The following TMCC2 variants were observed in gnomAD, a reference collection of about 807,000 sequenced individuals.
TMCC2 encodes transmembrane and coiled-coil domain family 2.
Under a neutral mutation model 49.4 loss-of-function variants are expected in TMCC2, and 16 were observed. That is an observed-to-expected ratio of 0.32 (90% CI 0.22 to 0.49). The LOEUF (loss-of-function observed/expected upper bound fraction) is 0.49. Among genes scored for constraint, TMCC2 ranks in the 20% least tolerant of loss-of-function variants. The pLI, the probability that TMCC2 is intolerant of heterozygous loss-of-function variation, is 0.99. For missense variants in TMCC2, 762 were observed against 989.8 expected (o/e 0.77, Z 3.09); for synonymous variants, 397 against 434.1 (o/e 0.91, Z 1.06).
intron 2 of TMCC2, among the ~76,000 whole-genome samples, chr1:205,265,819 A>G (rs1048900298): frequency 1.5e-4 from 23 of 150,474 alleles, no homozygotes; most frequent in Non-Finnish European, 2.8e-4. Context: ...TCAGCCTCCC[A>G]AAGTGCTGGG....
At position 205,269,896 on chromosome 1, in the gene TMCC2, C is replaced by T. The variant is rs766504406; in HGVS notation, c.1682+12C>T. 12 of 1,603,456 alleles carry T rather than the reference C, an allele frequency of 7.5e-6. No homozygotes were observed. Among genetic ancestry groups the T allele is most frequent in the Non-Finnish European group, 1.0e-5 (12 of 1,173,890 alleles). ...GAGGAGCGCTACAGGTAGGTGCCTG[C>T]CCACCCCCTCCTGCAGCCCAGCCGG... On this transcript the variant is annotated intron_variant, in intron 3 of 4. Transcript: ENST00000358024.
At chr1:205,256,244 G>A (rs1414064678) in intron 2 of TMCC2, 1 of 1,523,250 alleles carries the variant, frequency 6.6e-7, no homozygotes, top group Non-Finnish European at 8.8e-7. Flanking sequence ...CAGTTCTGCT[G>A]TGAGAAGCTG....
intron 1 of TMCC2, among the ~76,000 whole-genome samples, chr1:205,234,908 C>T (rs1411659485): frequency 1.3e-5 from 2 of 152,090 alleles, no homozygotes; most frequent in Non-Finnish European, 2.9e-5. Flanking sequence ...ATCCACTCTC[C>T]TCGGCCTCCC....
chr1:205,241,845 C>G lies in TMCC2; in HGVS notation c.548C>G (p.Thr183Ser). Residue 183 changes from threonine to serine, a missense_variant, in exon 2 of 5, where the codon ACC (threonine) becomes AGC (serine). Around this residue, in one of 2 missense-constraint regions of TMCC2, gnomAD observed 322 missense variants for 353.1 expected, o/e 0.91. Transcript: ENST00000358024. This position sits in a 1 kb window ranked among gnomAD's most constrained non-coding sequence, Gnocchi z 7.3. ...AGCAGCGGGAGCAGCAGCCGGCGCA[C>G]CAAGAGTAGCTCCCTGGAGCCCCAG... is the stretch of plus-strand genomic sequence containing the variant. The part of the protein sequence containing the change: ...GGSSGSSSRR[T>S]KSSSLEPQRG... 3 of 1,600,402 alleles carry G rather than the reference C, an allele frequency of 1.9e-6. No homozygotes were observed. Among genetic ancestry groups the G allele is most frequent in the Non-Finnish European group, 2.6e-6 (3 of 1,175,054 alleles).
intron 2 of TMCC2, among the ~76,000 whole-genome samples, chr1:205,253,218 GAAAAT>G (rs201882879): frequency 0.033 from 5,005 of 151,672 alleles, 142 homozygotes; most frequent in South Asian, 0.12. Context: ...CAAAGGAAGA[GAAAAT>G]AAAAAAAATA....
intron 2 of TMCC2, among the ~76,000 whole-genome samples, chr1:205,244,168 G>T (rs1054790023): frequency 1.3e-5 from 2 of 152,202 alleles, no homozygotes; most frequent in African/African-American, 4.8e-5. Context: ...GCTTGGCTGG[G>T]AAGAAGGAGG....
intron 2 of TMCC2, among the ~76,000 whole-genome samples, chr1:205,242,276 G>GT (rs1558646266): frequency 6.6e-6 from 1 of 152,184 alleles, no homozygotes; most frequent in Non-Finnish European, 1.5e-5. Flanking sequence ...TCAAAATTGT[G>GT]TTTTGCTCAT....
intron 1 of TMCC2, among the ~76,000 whole-genome samples, chr1:205,231,023 A>G (rs894339553): frequency 1.8e-5 from 2 of 113,762 alleles, no homozygotes; most frequent in African/African-American, 6.4e-5. Context: ...CAGAGAAAAC[A>G]TACCATTGAA....
At chr1:205,271,315 A>C in intron 4 of TMCC2, 60 bp downstream of exon 4, 1 of 1,612,748 alleles carries the variant, frequency 6.2e-7, no homozygotes, top group East Asian at 2.2e-5. Context: ...CAGCAGCCAG[A>C]GGGTTAGGGT....
intron 1 of TMCC2, among the ~76,000 whole-genome samples, chr1:205,239,080 C>A (rs200998655): frequency 6.6e-6 from 1 of 152,114 alleles, no homozygotes; most frequent in Non-Finnish European, 1.5e-5. Flanking sequence ...CCTCAGAACT[C>A]TAGGACCTCT....
chr1:205,232,149 G>A (rs557918944), intron 1 of TMCC2, among the ~76,000 whole-genome samples: 1 of 152,104 alleles, frequency 6.6e-6, no homozygotes, highest in South Asian at 2.1e-4. Context: ...CTGCTACAGT[G>A]CCCTGGGATC....
At chr1:205,268,350 A>G (rs903856668) in intron 2 of TMCC2, among the ~76,000 whole-genome samples, 1 of 152,204 alleles carries the variant, frequency 6.6e-6, no homozygotes, top group African/African-American at 2.4e-5. Flanking sequence ...GTAGTGGCTC[A>G]CACCTGTAAT....
At chr1:205,268,350 A>C (rs903856668) in intron 2 of TMCC2, among the ~76,000 whole-genome samples, 1 of 152,322 alleles carries the variant, frequency 6.6e-6, no homozygotes, top group South Asian at 2.1e-4. Context: ...GTAGTGGCTC[A>C]CACCTGTAAT....
chr1:205,230,964 T>G (rs903950600), intron 1 of TMCC2, among the ~76,000 whole-genome samples: 3 of 132,536 alleles, frequency 2.3e-5, no homozygotes, highest in East Asian at 2.5e-4. Context: ...AGGCTTCCCC[T>G]TACCCCGCGC....
chr1:205,253,767 C>A lies in TMCC2; in HGVS notation c.747+11723C>A, dbSNP rs543410563. 1.5e-3 allele frequency among the ~76,000 whole-genome samples: 221 copies of A among 152,368 alleles called. 1 individual carries two copies. The highest frequency in any genetic ancestry group is 2.1e-3 in the Non-Finnish European group (144 of 68,040). Reference sequence around the variant, plus strand: ...TCTTTGCTCCTGATGGCAGCTACTTCTTTGGCTTTTTCTGTTTCAGACCAA... The same window carrying A: ...TCTTTGCTCCTGATGGCAGCTACTTATTTGGCTTTTTCTGTTTCAGACCAA... On this transcript the variant is annotated intron_variant, in intron 2 of 4. Transcript: ENST00000358024.
At chr1:205,230,810 G>A (rs1416376522) in intron 1 of TMCC2, among the ~76,000 whole-genome samples, 1 of 151,404 alleles carries the variant, frequency 6.6e-6, no homozygotes, top group Non-Finnish European at 1.5e-5. Context: ...CCACTCTCCT[G>A]TATTATCTTT....
In TMCC2 at chr1:205,227,958, C is replaced by A. The variant is rs1291630286; in HGVS notation, c.-607C>A. On this transcript the variant is annotated 5_prime_UTR_variant, in exon 1 of 5. Coordinates refer to ENST00000358024, the MANE Select transcript of TMCC2 (RefSeq NM_014858.4). The stretch of plus-strand genomic sequence containing the variant: ...GGCGGGGTAGGTTGCGCGCTCGCCG[C>A]GGGCTCGGGCCGCGGTCGCGGCTTT... Among the ~76,000 whole-genome samples, 1 of 151,174 alleles carries A rather than the reference C, an allele frequency of 6.6e-6. No homozygotes were observed. Among genetic ancestry groups the A allele is most frequent in the Non-Finnish European group, 1.5e-5 (1 of 67,704 alleles).
intron 2 of TMCC2, among the ~76,000 whole-genome samples, chr1:205,266,265 C>T (rs1213277534): frequency 2.9e-5 from 4 of 135,970 alleles, no homozygotes; most frequent in Non-Finnish European, 6.3e-5. Flanking sequence ...AAAAAAAGTT[C>T]TGTAACATCA....
intron 1 of TMCC2, among the ~76,000 whole-genome samples, chr1:205,240,147 C>T (rs1660209414): frequency 6.6e-6 from 1 of 152,206 alleles, no homozygotes; most frequent in East Asian, 1.9e-4. Flanking sequence ...TGAGGTGTCT[C>T]CTGGTCCTCC....
Sources: allele counts gnomAD v4.1 joint callset (sites outside exome capture counted in the v4.1 genomes callset), GRCh38; gene constraint gnomAD v4.1.1; regional missense constraint gnomAD v4.1.1; non-coding constraint Gnocchi (gnomAD v3.1); transcripts MANE v1.5; gene names NCBI Gene and HGNC (gene_info 2026-07-23, HGNC 2026-07-21).